Variants in PKIB observed in about 807,000 individuals in gnomAD.
The protein encoded by PKIB is cAMP-dependent protein kinase inhibitor beta.
A neutral mutation model predicts 4.5 loss-of-function variants in PKIB; 2 were observed. The ratio of observed to expected loss-of-function variants is 0.44; its 90% CI spans 0.18 to 1.39. The LOEUF is 1.39. Among genes scored for constraint, PKIB ranks in the 40% most tolerant of loss-of-function variants. The probability of loss-of-function intolerance (pLI) is 0.27; values close to 1 mark genes in which losing one functional copy is unlikely to be tolerated. For missense variants in PKIB, 94 were observed against 92.6 expected (o/e 1.02, Z -0.06); for synonymous variants, 38 against 36.0 (o/e 1.06, Z -0.20).
At chr6:122,495,734 T>C (rs945848404) in intron 2 of PKIB, among the ~76,000 whole-genome samples, 3 of 152,092 alleles carry the variant, frequency 2.0e-5, no homozygotes, top group African/African-American at 7.2e-5. Flanking sequence ...CACCCCTTTA[T>C]AAGAAGCGGA....
chr6:122,511,609 G>A (rs1333264098), intron 2 of PKIB, among the ~76,000 whole-genome samples: 3 of 152,140 alleles, frequency 2.0e-5, no homozygotes, highest in Non-Finnish European at 2.9e-5. Flanking sequence ...GAGAAGAGAC[G>A]GGTCAAGAGT....
chr6:122,625,832 G>C (rs1241489765), intron 1 of PKIB, among the ~76,000 whole-genome samples: 1 of 152,128 alleles, frequency 6.6e-6, no homozygotes, highest in Non-Finnish European at 1.5e-5. Context: ...ACTTTGGGAG[G>C]CCTAGGCAGG....
chr6:122,518,443 A>AG (rs1350715388), intron 2 of PKIB, among the ~76,000 whole-genome samples: 1 of 152,052 alleles, frequency 6.6e-6, no homozygotes, highest in Non-Finnish European at 1.5e-5. Context: ...ACTCTATCCA[A>AG]GTGTGTTGGG....
At chr6:122,720,921 C>G (rs1352929850) in intron 4 of PKIB, among the ~76,000 whole-genome samples, 1 of 152,136 alleles carries the variant, frequency 6.6e-6, no homozygotes, top group Non-Finnish European at 1.5e-5. Context: ...AGGCTGGTCT[C>G]AAACTCCTGA....
intron 2 of PKIB, among the ~76,000 whole-genome samples, chr6:122,495,291 C>CT (rs1248089758): frequency 2.0e-5 from 3 of 152,120 alleles, no homozygotes; most frequent in Non-Finnish European, 4.4e-5. Context: ...ACTGCTGCAG[C>CT]TGAGGGGGTC....
chr6:122,477,434 G>A (rs937403460), intron 1 of PKIB, among the ~76,000 whole-genome samples: 6 of 152,132 alleles, frequency 3.9e-5, no homozygotes, highest in Non-Finnish European at 7.4e-5. Context: ...TGAGAGATTT[G>A]TAAGAAGGAT....
intron 2 of PKIB, among the ~76,000 whole-genome samples, chr6:122,580,501 T>G (rs1773671292): frequency 6.6e-6 from 1 of 152,188 alleles, no homozygotes; most frequent in African/African-American, 2.4e-5. Context: ...CATTCTCTTC[T>G]TCTGTAAAGA....
chr6:122,529,846 C>T (rs1420251794), intron 2 of PKIB, among the ~76,000 whole-genome samples: 3 of 151,826 alleles, frequency 2.0e-5, no homozygotes, highest in Admixed American at 1.3e-4. Flanking sequence ...CTCTTTTTTC[C>T]TTTCTGTGTT....
At chr6:122,527,015 T>C (rs527918448) in intron 2 of PKIB, among the ~76,000 whole-genome samples, 39 of 152,294 alleles carry the variant, frequency 2.6e-4, no homozygotes, top group Non-Finnish European at 4.4e-4. Flanking sequence ...ACTACAAAAG[T>C]AATTGCTGCT....
At chr6:122,568,975 C>T (rs1773277412) in intron 2 of PKIB, among the ~76,000 whole-genome samples, 1 of 152,146 alleles carries the variant, frequency 6.6e-6, no homozygotes, top group African/African-American at 2.4e-5. Flanking sequence ...TGCATGGGAG[C>T]TGGGTGAGGC....
intron 2 of PKIB, among the ~76,000 whole-genome samples, chr6:122,638,868 G>A (rs189458982): frequency 2.2e-4 from 33 of 152,226 alleles, no homozygotes; most frequent in African/African-American, 7.0e-4. Context: ...TGCTGGCTCA[G>A]GAGATGTGCC....
At chr6:122,723,382 T>C (rs1779817211) in intron 4 of PKIB, among the ~76,000 whole-genome samples, 1 of 152,152 alleles carries the variant, frequency 6.6e-6, no homozygotes, top group African/African-American at 2.4e-5. Context: ...CAACAGCTCT[T>C]TCTGCATTTT....
intron 2 of PKIB, among the ~76,000 whole-genome samples, chr6:122,530,284 A>T (rs1014153447): frequency 1.3e-5 from 2 of 152,142 alleles, no homozygotes; most frequent in African/African-American, 4.8e-5. Context: ...TAAAAAAAAT[A>T]GTTTCCATTG....
At chr6:122,692,202 C>T (rs1208677297) in intron 3 of PKIB, among the ~76,000 whole-genome samples, 1 of 152,196 alleles carries the variant, frequency 6.6e-6, no homozygotes, top group Admixed American at 6.5e-5. Context: ...TGTCTATAGC[C>T]TATGTTTGCT....
At chr6:122,492,004 A>T (rs1439822060) in intron 2 of PKIB, among the ~76,000 whole-genome samples, 5 of 152,176 alleles carry the variant, frequency 3.3e-5, no homozygotes, top group African/African-American at 1.2e-4. Context: ...AGACTCACCA[A>T]CTGTGGATTA....
intron 1 of PKIB, among the ~76,000 whole-genome samples, chr6:122,632,570 T>A (rs959255251): frequency 7.2e-5 from 11 of 152,218 alleles, no homozygotes; most frequent in African/African-American, 2.4e-4. Flanking sequence ...GGGACTTTTT[T>A]ACATATAAAT....
intron 3 of PKIB, among the ~76,000 whole-genome samples, chr6:122,693,270 G>A (rs1171274517): frequency 6.6e-6 from 1 of 152,192 alleles, no homozygotes; most frequent in East Asian, 1.9e-4. Context: ...TCAACTAACT[G>A]TTGACTTTCA....
At chr6:122,705,563 TC>T (rs1779022010) in intron 3 of PKIB, among the ~76,000 whole-genome samples, 1 of 114,954 alleles carries the variant, frequency 8.7e-6, no homozygotes, top group East Asian at 2.7e-4. Flanking sequence ...AGAAAGCGCA[TC>T]TTTTTTTTTT....
intron 3 of PKIB, among the ~76,000 whole-genome samples, chr6:122,688,517 A>G (rs890210548): frequency 1.3e-4 from 20 of 152,066 alleles, no homozygotes; most frequent in African/African-American, 4.6e-4. Flanking sequence ...GAATACTTTG[A>G]GTAGGACTGG....
Sources: gnomAD v4.1 joint callset for allele counts (sites outside exome capture counted in the v4.1 genomes callset) on GRCh38, gnomAD v4.1.1 for gene constraint, MANE v1.5 for transcripts, NCBI Gene and HGNC (gene_info 2026-07-23, HGNC 2026-07-21) for gene names.